Variants in NEBL observed in about 807,000 individuals in gnomAD.
The protein encoded by NEBL is nebulette, also known as LIM and SH3 protein 2.
A neutral mutation model predicts 140.2 loss-of-function variants in NEBL; 122 were observed. The ratio of observed to expected loss-of-function variants is 0.87; its 90% confidence interval spans 0.75 to 1.01. The LOEUF (loss-of-function observed/expected upper bound fraction) is 1.01. Ranked by LOEUF, NEBL falls within the 50% of genes least tolerant of loss-of-function variation. The pLI is 0.00. For synonymous variants in NEBL, 436 were observed against 398.9 expected, an observed-to-expected ratio of 1.09 and a Z score of -1.11; for missense variants, 1,365 against 1,231.3, an observed-to-expected ratio of 1.11 and a Z score of -1.62.
intron 7 of NEBL, chr10:20,868,445 T>C (rs531064530): frequency 7.7e-5 from 41 of 530,344 alleles, no homozygotes; most frequent in African/African-American, 7.6e-4. Flanking sequence ...GATTTATGCC[T>C]GGAGAAAAGA....
chr10:20,940,965 G>T (rs1190725365), intron 4 of NEBL, among the ~76,000 whole-genome samples: 1 of 152,124 alleles, frequency 6.6e-6, no homozygotes, highest in Non-Finnish European at 1.5e-5. Context: ...ACCAAAAAAA[G>T]TCCAGGACCA....
chr10:20,944,663 A>G (rs914595608), intron 4 of NEBL, among the ~76,000 whole-genome samples: 1 of 152,234 alleles, frequency 6.6e-6, no homozygotes, highest in African/African-American at 2.4e-5. Context: ...GGCTTGTATC[A>G]CAGTTGGAGC....
At chr10:21,030,784 C>A in intron 2 of NEBL, 1 of 388,814 alleles carries the variant, frequency 2.6e-6, no homozygotes, top group Non-Finnish European at 5.0e-6. Context: ...CAGATCTGCA[C>A]CTGAGCCAAT....
chr10:21,044,144 C>A (rs577023957), intron 2 of NEBL, among the ~76,000 whole-genome samples: 1 of 152,250 alleles, frequency 6.6e-6, no homozygotes. Context: ...CGCCTGTAAT[C>A]CCAACAATTT....
At chr10:21,030,661 G>C in intron 2 of NEBL, 1 of 511,288 alleles carries the variant, frequency 2.0e-6, no homozygotes, top group South Asian at 1.7e-5. Flanking sequence ...AGTAGGTGTG[G>C]TGAATGTCCC....
chr10:20,805,722 G>C (rs138607010), intron 26 of NEBL, among the ~76,000 whole-genome samples: 1 of 151,988 alleles, frequency 6.6e-6, no homozygotes, highest in Non-Finnish European at 1.5e-5. Context: ...GTGTGGTGGC[G>C]TGCACCTGTA....
intron 1 of NEBL, among the ~76,000 whole-genome samples, chr10:21,272,507 T>G (rs1842872331): frequency 6.6e-6 from 1 of 152,096 alleles, no homozygotes; most frequent in Admixed American, 6.6e-5. Context: ...GAGGATCAAC[T>G]GAGGCCAGAA....
chr10:20,946,098 G>A (rs995083270), intron 4 of NEBL, among the ~76,000 whole-genome samples: 3 of 152,268 alleles, frequency 2.0e-5, no homozygotes, highest in African/African-American at 4.8e-5. Context: ...TGTCATCTAT[G>A]TACGAACAGG....
At chr10:20,867,039 C>T (rs1310489342) in intron 7 of NEBL, among the ~76,000 whole-genome samples, 2 of 151,960 alleles carry the variant, frequency 1.3e-5, no homozygotes, top group Admixed American at 1.3e-4. Flanking sequence ...TTAAAATGTT[C>T]TCATCAAATG....
chr10:21,227,727 TTCTTC>T (rs1842183994), intron 3 of NEBL, among the ~76,000 whole-genome samples: 108 of 111,650 alleles, frequency 9.7e-4, no homozygotes, highest in African/African-American at 3.8e-3. Context: ...CTTCTTCTTC[TTCTTC>T]TTCTTCTTCT....
At chr10:21,030,294 T>C (rs565687286) in intron 2 of NEBL, 4 of 646,726 alleles carry the variant, frequency 6.2e-6, no homozygotes, top group African/African-American at 1.9e-5. Flanking sequence ...ACTCAGGAAC[T>C]GGAACGGTGG....
intron 3 of NEBL, among the ~76,000 whole-genome samples, chr10:21,015,954 T>C (rs746401702): frequency 3.9e-5 from 6 of 152,264 alleles, no homozygotes; most frequent in Non-Finnish European, 8.8e-5. Context: ...GAAAATGAGA[T>C]GAGCCACTCC....
intron 3 of NEBL, among the ~76,000 whole-genome samples, chr10:21,000,160 G>T (rs1444860280): frequency 7.2e-6 from 1 of 139,062 alleles, no homozygotes; most frequent in East Asian, 2.2e-4. Flanking sequence ...GCCAGGCAGA[G>T]GGGGGCAGAG....
At chr10:20,938,738 C>T (rs1834659724) in intron 4 of NEBL, among the ~76,000 whole-genome samples, 1 of 152,070 alleles carries the variant, frequency 6.6e-6, no homozygotes, top group Non-Finnish European at 1.5e-5. Context: ...CAAAGAAGTC[C>T]TCAAAGGACC....
At chr10:21,153,659 A>C (rs1468413479) in intron 2 of NEBL, among the ~76,000 whole-genome samples, 1 of 152,060 alleles carries the variant, frequency 6.6e-6, no homozygotes, top group Non-Finnish European at 1.5e-5. Flanking sequence ...GGGATTACAG[A>C]TGCACACCAC....
At chr10:21,218,722 AAAG>A (rs1412988963) in intron 3 of NEBL, among the ~76,000 whole-genome samples, 2 of 152,226 alleles carry the variant, frequency 1.3e-5, no homozygotes, top group African/African-American at 2.4e-5. Flanking sequence ...AGGTCACAGA[AAAG>A]AAGGAGAACC....
At chr10:21,119,519 T>C (rs186295706) in intron 2 of NEBL, among the ~76,000 whole-genome samples, 61 of 149,454 alleles carry the variant, frequency 4.1e-4, no homozygotes, top group African/African-American at 1.1e-3. Context: ...TTATATTGAG[T>C]AATATACTGA....
At chr10:20,968,219 T>C (rs1375159011) in intron 3 of NEBL, among the ~76,000 whole-genome samples, 2 of 151,904 alleles carry the variant, frequency 1.3e-5, no homozygotes, top group African/African-American at 4.8e-5. Context: ...CAAATATGGA[T>C]TAGGGCCAGG....
At chr10:20,990,815 A>T (rs1837428813) in intron 3 of NEBL, among the ~76,000 whole-genome samples, 1 of 152,184 alleles carries the variant, frequency 6.6e-6, no homozygotes, top group Admixed American at 6.5e-5. Flanking sequence ...GCCACTATTT[A>T]CTACATCCAG....
Sources: gnomAD v4.1 joint callset for allele counts (sites outside exome capture counted in the v4.1 genomes callset) on GRCh38, gnomAD v4.1.1 for gene constraint, MANE v1.5 for transcripts, NCBI Gene and HGNC (gene_info 2026-07-23, HGNC 2026-07-21) for gene names.